The following L3MBTL4 variants were observed in gnomAD, a reference collection of about 807,000 sequenced individuals.
The protein encoded by L3MBTL4 is L3MBTL histone methyl-lysine binding protein 4, also known as lethal(3)malignant brain tumor-like protein 4.
Under a neutral mutation model 84.5 loss-of-function variants are expected in L3MBTL4, and 70 were observed. The ratio of observed to expected loss-of-function variants is 0.83; its 90% CI spans 0.68 to 1.01. The LOEUF (loss-of-function observed/expected upper bound fraction) is 1.01, where lower values mean the gene tolerates loss of function less well. Among genes scored for constraint, L3MBTL4 ranks in the 50% least tolerant of loss-of-function variants. The pLI is 0.00. For synonymous variants in L3MBTL4, 274 were observed against 259.8 expected, an observed-to-expected ratio of 1.05 and a Z score of -0.52; for missense variants, 715 against 754.8, an observed-to-expected ratio of 0.95 and a Z score of 0.62.
chr18:6,009,358 C>T (rs1050365111), intron 16 of L3MBTL4, among the ~76,000 whole-genome samples: 3 of 152,166 alleles, frequency 2.0e-5, no homozygotes, highest in African/African-American at 7.2e-5. Flanking sequence ...TGGGTGAAGA[C>T]CTGAGGGTCT....
At chr18:6,102,112 T>G (rs1051027523) in intron 14 of L3MBTL4, among the ~76,000 whole-genome samples, 3 of 152,228 alleles carry the variant, frequency 2.0e-5, no homozygotes, top group Non-Finnish European at 4.4e-5. Context: ...TATAACTAAA[T>G]TTCTTAAAAT....
chr18:6,143,828 C>G (rs1413748005), intron 13 of L3MBTL4, among the ~76,000 whole-genome samples: 1 of 151,616 alleles, frequency 6.6e-6, no homozygotes, highest in African/African-American at 2.4e-5. Flanking sequence ...TCCCCAGCAC[C>G]TATTATCTGC....
rs139013771 is a variant in L3MBTL4 at position 6,050,888 on chromosome 18, G to T, written c.1444+29993C>A. 3.7e-3 allele frequency among the ~76,000 whole-genome samples: 563 copies of T among 152,234 alleles called. 3 individuals carry two copies. The highest frequency in any genetic ancestry group is 0.013 in the African/African-American group (548 of 41,552). ...TGTTCTTAATGTGCTACATATTGAA[G>T]AATTCTGGACATGTGATATCAACAC... On this transcript the variant is annotated intron_variant, in intron 16 of 18. Transcript: ENST00000317931.
At chr18:6,157,463 C>T (rs2043150145) in intron 13 of L3MBTL4, among the ~76,000 whole-genome samples, 1 of 152,090 alleles carries the variant, frequency 6.6e-6, no homozygotes, top group Non-Finnish European at 1.5e-5. Context: ...AGTTTCAATG[C>T]TCATAAAAGA....
intron 16 of L3MBTL4, among the ~76,000 whole-genome samples, chr18:5,998,910 C>A (rs1242798321): frequency 2.6e-5 from 4 of 152,192 alleles, no homozygotes; most frequent in African/African-American, 9.7e-5. Context: ...AACCTGCCCT[C>A]AGAATTTTTC....
intron 4 of L3MBTL4, among the ~76,000 whole-genome samples, chr18:6,279,557 T>A (rs1007487410): frequency 1.3e-5 from 2 of 152,184 alleles, no homozygotes; most frequent in Non-Finnish European, 2.9e-5. Flanking sequence ...GGGATATTCA[T>A]GTGATGGTGA....
intron 16 of L3MBTL4, among the ~76,000 whole-genome samples, chr18:6,047,333 G>C (rs2056665934): frequency 6.6e-6 from 1 of 152,240 alleles, no homozygotes; most frequent in East Asian, 1.9e-4. Context: ...AGAAGAGCTA[G>C]TACCAATCCT....
At chr18:6,238,119 A>T in intron 9 of L3MBTL4, 79 bp from the exon 10 acceptor site, 1 of 1,216,472 alleles carries the variant, frequency 8.2e-7, no homozygotes, top group South Asian at 1.2e-5. Flanking sequence ...ATCATTCTGG[A>T]TATCAACAGA....
chr18:6,295,319 T>TCTCTCC lies in L3MBTL4; in HGVS notation c.127+6583_127+6584insGGAGAG, dbSNP rs1161036609. Among the ~76,000 whole-genome samples, 137 of 116,424 alleles carry TCTCTCC rather than the reference T, an allele frequency of 1.2e-3. 1 individual carries two copies. The highest frequency in any genetic ancestry group is 5.4e-3 in the African/African-American group (133 of 24,548). 76.4% of individuals were successfully genotyped at this position (116,424 alleles called of 152,430 possible). ...ACAACAACAACAACAACTCTCTCTC[T>TCTCTCC]CTCTCTCTCTCTCTCTCTCTCTCTC... On this transcript the variant is annotated intron_variant, in intron 4 of 18. Transcript: ENST00000317931.
chr18:6,293,934 CAT>C (rs1241571571), intron 4 of L3MBTL4, among the ~76,000 whole-genome samples: 1 of 152,182 alleles, frequency 6.6e-6, no homozygotes, highest in African/African-American at 2.4e-5. Context: ...TTTAATGTGA[CAT>C]ATGATTCTGA....
At chr18:6,031,083 A>G (rs899432409) in intron 16 of L3MBTL4, 5 of 985,440 alleles carry the variant, frequency 5.1e-6, no homozygotes, top group African/African-American at 1.7e-5. Flanking sequence ...ATTATTAATT[A>G]TAGGAAGCTG....
At chr18:6,011,702 G>A (rs1163163384) in intron 16 of L3MBTL4, among the ~76,000 whole-genome samples, 4 of 152,184 alleles carry the variant, frequency 2.6e-5, no homozygotes, top group African/African-American at 9.6e-5. Context: ...CAACAAGCAA[G>A]TAGTCACTAG....
chr18:6,344,936 C>A (rs868803721), intron 1 of L3MBTL4, among the ~76,000 whole-genome samples: 2 of 151,718 alleles, frequency 1.3e-5, no homozygotes, highest in African/African-American at 4.8e-5. Context: ...AAGTTAGGAA[C>A]AAAATAAAGA....
At position 6,143,964 on chromosome 18, in the gene L3MBTL4, A is replaced by G. The variant is rs376415292; in HGVS notation, c.1097-5668T>C. Among the ~76,000 whole-genome samples, 638 of 152,196 alleles carry G rather than the reference A, an allele frequency of 4.2e-3. 4 individuals carry two copies. The highest frequency in any genetic ancestry group is 0.014 in the African/African-American group (566 of 41,506). ...TGTAATCCCAGCATTTTGGGAGGCC[A>G]AGGGTGGCGGATCACAAGGTCAGGA... On this transcript the variant is annotated intron_variant, in intron 13 of 18. Transcript: ENST00000317931.
At chr18:6,073,181 G>A (rs1033521969) in intron 16 of L3MBTL4, among the ~76,000 whole-genome samples, 5 of 150,638 alleles carry the variant, frequency 3.3e-5, no homozygotes, top group African/African-American at 1.2e-4. Flanking sequence ...GAGAGTGAGA[G>A]AGACAGAGGG....
intron 14 of L3MBTL4, among the ~76,000 whole-genome samples, chr18:6,127,218 C>T (rs1256615242): frequency 6.6e-6 from 1 of 152,184 alleles, no homozygotes; most frequent in African/African-American, 2.4e-5. Context: ...GGCCCATGGG[C>T]TGCATGTGGC....
At chr18:6,325,759 G>A (rs2051683784) in intron 1 of L3MBTL4, among the ~76,000 whole-genome samples, 1 of 152,120 alleles carries the variant, frequency 6.6e-6, no homozygotes, top group South Asian at 2.1e-4. Context: ...AAATATGTAT[G>A]TTGCCTTGTA....
At chr18:6,318,808 C>A (rs1048061186) in intron 1 of L3MBTL4, among the ~76,000 whole-genome samples, 2 of 152,030 alleles carry the variant, frequency 1.3e-5, no homozygotes, top group African/African-American at 4.8e-5. Flanking sequence ...GAACACTCTA[C>A]CGAAGAACTG....
chr18:6,125,233 C>T (rs1355490835), intron 14 of L3MBTL4, among the ~76,000 whole-genome samples: 4 of 151,980 alleles, frequency 2.6e-5, no homozygotes, highest in African/African-American at 4.8e-5. Context: ...CCTCCTTTGT[C>T]CTACCACTAG....
Sources: gnomAD v4.1 joint callset for allele counts (sites outside exome capture counted in the v4.1 genomes callset) on GRCh38, gnomAD v4.1.1 for gene constraint, MANE v1.5 for transcripts, NCBI Gene and HGNC (gene_info 2026-07-23, HGNC 2026-07-21) for gene names.